The following PCNX1 variants were observed in gnomAD, a reference collection of about 807,000 sequenced individuals.
PCNX1 encodes pecanex-like protein 1.
A neutral mutation model predicts 242.2 loss-of-function variants in PCNX1; 78 were observed. The ratio of observed to expected loss-of-function variants is 0.32; its 90% CI spans 0.27 to 0.39. The LOEUF (loss-of-function observed/expected upper bound fraction) is 0.39, where lower values mean the gene tolerates loss of function less well. Among genes scored for constraint, PCNX1 ranks in the 10% least tolerant of loss-of-function variants. The pLI is 1.00. For missense variants in PCNX1, 2,581 were observed against 2,856.5 expected, an observed-to-expected ratio of 0.90 and a Z score of 2.20; for synonymous variants, 1,024 against 1,032.9, an observed-to-expected ratio of 0.99 and a Z score of 0.17.
In PCNX1 at chr14:71,071,861, A is replaced by G. The variant is rs1451555469; in HGVS notation, c.4853-1684A>G. Among the ~76,000 whole-genome samples, 5 of 152,194 alleles carry G rather than the reference A, an allele frequency of 3.3e-5. No individual in the cohort carries two copies. The East Asian group carries it at 9.6e-4, about 29-fold the overall frequency. On this transcript the variant is annotated intron_variant, in intron 26 of 35. Coordinates refer to ENST00000304743, the MANE Select transcript of PCNX1 (RefSeq NM_014982.3). ...TACTTAAACACTTAGAGGCCATTGT[A>G]GTGTTATAAATTGCCCAAATTTCAA...
At chr14:70,952,084 T>A (rs867105382) in intron 2 of PCNX1, among the ~76,000 whole-genome samples, 3 of 152,308 alleles carry the variant, frequency 2.0e-5, no homozygotes, top group Middle Eastern at 3.4e-3. Context: ...CTTGTCAGAA[T>A]GATGAGGAAA....
chr14:71,091,414 C>T (rs889415643), intron 30 of PCNX1, among the ~76,000 whole-genome samples: 10 of 152,142 alleles, frequency 6.6e-5, no homozygotes, highest in Admixed American at 1.3e-4. Flanking sequence ...GATGTTTATA[C>T]AACAGAATTA....
intron 1 of PCNX1, 136 bp downstream of exon 1, chr14:70,908,139 C>T: frequency 1.3e-6 from 1 of 748,064 alleles, no homozygotes; most frequent in Non-Finnish European, 2.0e-6. Flanking sequence ...GCTCCCCGCC[C>T]CCACTGCGTG....
At chr14:70,976,727 C>A (rs1159903682) in intron 5 of PCNX1, among the ~76,000 whole-genome samples, 1 of 152,054 alleles carries the variant, frequency 6.6e-6, no homozygotes, top group Non-Finnish European at 1.5e-5. Context: ...TTTCTGAGGC[C>A]AGTTGAAGAA....
chr14:70,925,102 C>T (rs973319724), intron 1 of PCNX1, among the ~76,000 whole-genome samples: 4 of 151,974 alleles, frequency 2.6e-5, no homozygotes, highest in African/African-American at 9.7e-5. Context: ...GATTCTCCTG[C>T]CTCAGACTCC....
intron 34 of PCNX1, 53 bp downstream of exon 34, chr14:71,109,099 A>G (rs2062700062): frequency 1.4e-6 from 2 of 1,406,586 alleles, no homozygotes; most frequent in Non-Finnish European, 1.9e-6. Flanking sequence ...ATTTGTTTTT[A>G]TTTCTTATTT....
intron 1 of PCNX1, among the ~76,000 whole-genome samples, chr14:70,932,020 G>C (rs1435663721): frequency 6.6e-6 from 1 of 152,182 alleles, no homozygotes; most frequent in African/African-American, 2.4e-5. Flanking sequence ...GCAGCTACTC[G>C]GGATGCTGAG....
At chr14:71,107,280 G>A (rs1294938182) in intron 33 of PCNX1, among the ~76,000 whole-genome samples, 1 of 152,004 alleles carries the variant, frequency 6.6e-6, no homozygotes, top group Non-Finnish European at 1.5e-5. Flanking sequence ...GGATTCAAGT[G>A]AAGAGACCTG....
At chr14:71,084,421 A>G (rs563697117) in intron 28 of PCNX1, among the ~76,000 whole-genome samples, 2 of 152,182 alleles carry the variant, frequency 1.3e-5, no homozygotes, top group Non-Finnish European at 1.5e-5. Flanking sequence ...GCAGGCAGCA[A>G]CATTTAAGTC....
rs533633832 is a variant in PCNX1, at chr14:71,000,460, A to G, written c.2629+4535A>G. Among the ~76,000 whole-genome samples, 4 of 151,268 alleles carry G rather than the reference A, an allele frequency of 2.6e-5. No individual in the cohort carries two copies. In the South Asian group the frequency reaches 8.4e-4, roughly 32 times the overall value. ...GTCGTGACTTTTGTGCTACTGTTTG[A>G]GTTTTGTATCTTGCTTTTTTCACTT... is the stretch of plus-strand genomic sequence containing the variant. On this transcript the variant is annotated intron_variant, in intron 8 of 35. Transcript: ENST00000304743.
intron 26 of PCNX1, among the ~76,000 whole-genome samples, chr14:71,062,272 C>G (rs2061344009): frequency 1.3e-5 from 2 of 152,062 alleles, no homozygotes; most frequent in South Asian, 4.1e-4. Context: ...TTCTGAAGGC[C>G]TTCCAGTGGG....
Position 71,076,209 on chromosome 14 carries a change from G to A in PCNX1, c.5127G>A (p.Thr1709=), listed in dbSNP as rs199766363. The part of the protein sequence containing the change: ...YYVKGIIYYV[T]TSSKLEEWLA... ...GTTAGGGTATCATTTATTATGTTAC[G>A]ACCTCGTCTAAGCTAGAGGAGTGGC... The change falls in exon 28 of 36, where the codon ACG becomes ACA. Residue 1709 remains threonine (T), a synonymous_variant. Transcript: ENST00000304743. 5.3e-5 allele frequency: 85 copies of A among 1,607,138 alleles called. No homozygotes were observed. In the East Asian group the frequency reaches 1.7e-3, roughly 33 times the overall value.
chr14:71,039,011 G>A (rs1220524843), intron 19 of PCNX1, among the ~76,000 whole-genome samples: 1 of 151,264 alleles, frequency 6.6e-6, no homozygotes, highest in Non-Finnish European at 1.5e-5. Context: ...TCATAGGTGG[G>A]AATTGAACAA....
chr14:71,014,007 C>T (rs977729071), intron 11 of PCNX1, among the ~76,000 whole-genome samples: 4 of 152,086 alleles, frequency 2.6e-5, no homozygotes, highest in Admixed American at 2.0e-4. Flanking sequence ...TGGATATGTT[C>T]CTGTATGTGA....
chr14:70,943,182 C>G (rs536412476), intron 1 of PCNX1, among the ~76,000 whole-genome samples: 1 of 152,244 alleles, frequency 6.6e-6, no homozygotes, highest in South Asian at 2.1e-4. Flanking sequence ...TGGGGCACTG[C>G]TGAAAAGATA....
In PCNX1 at chr14:70,980,944, A is replaced by G. The variant is rs188790305; in HGVS notation, c.2311+2296A>G. On this transcript the variant is annotated intron_variant, in intron 6 of 35. Transcript: ENST00000304743. ...CAACGATTTCTTTTCATTTTATTTTAAGGTAGGTGGTGGTGGTAGTGTAGA... is the reference window on the plus strand; with the variant it reads ...CAACGATTTCTTTTCATTTTATTTTGAGGTAGGTGGTGGTGGTAGTGTAGA... Among the ~76,000 whole-genome samples, 3 of 152,232 alleles carry G rather than the reference A, an allele frequency of 2.0e-5. No individual in the cohort carries two copies. The East Asian group carries it at 5.8e-4, about 29-fold the overall frequency.
Position 70,911,630 on chromosome 14 carries a change from G to T in PCNX1, c.153+3627G>T, listed in dbSNP as rs1253133070. On this transcript the variant is annotated intron_variant, in intron 1 of 35. Coordinates refer to ENST00000304743, the MANE Select transcript of PCNX1 (RefSeq NM_014982.3). Reference sequence around the variant, plus strand: ...GATTGGAATTAGTGTCTTGATTTTTGAATCTTGGCTTTGTTATTGATTGTG... The same window carrying T: ...GATTGGAATTAGTGTCTTGATTTTTTAATCTTGGCTTTGTTATTGATTGTG... Among the ~76,000 whole-genome samples, 5 of 152,018 alleles carry T rather than the reference G, an allele frequency of 3.3e-5. No individual in the cohort carries two copies. The East Asian group carries it at 7.7e-4, about 23-fold the overall frequency.
At chr14:70,938,247 G>A (rs1015279885) in intron 1 of PCNX1, among the ~76,000 whole-genome samples, 1 of 152,048 alleles carries the variant, frequency 6.6e-6, no homozygotes, top group African/African-American at 2.4e-5. Context: ...TGCCCATTCA[G>A]TATGATTATT....
chr14:70,978,312 A>T lies in PCNX1; in HGVS notation c.1975A>T (p.Thr659Ser). 1 of 1,614,186 alleles carries T rather than the reference A, an allele frequency of 6.2e-7. No individual in the cohort carries two copies. The highest frequency in any genetic ancestry group is 1.3e-5 in the African/African-American group (1 of 75,048). Reference protein sequence around the residue: ...HKERGTDSEHTHKAHLVPEGT... With the variant: ...HKERGTDSEHSHKAHLVPEGT... Reference sequence around the variant, plus strand: ...AGAAAGGGGCACAGACTCTGAACACACACACAAAGCTCATTTGGTTCCTGA... The same window carrying T: ...AGAAAGGGGCACAGACTCTGAACACTCACACAAAGCTCATTTGGTTCCTGA... The change falls in exon 6 of 36, where the codon ACA becomes TCA. Residue 659 changes from threonine to serine, a missense_variant. Physicochemically the swap from Thr to Ser is moderately conservative, Grantham distance 58. Coordinates refer to ENST00000304743, the MANE Select transcript of PCNX1 (RefSeq NM_014982.3).
Sources: allele counts gnomAD v4.1 joint callset (sites outside exome capture counted in the v4.1 genomes callset), GRCh38; gene constraint gnomAD v4.1.1; transcripts MANE v1.5; gene names NCBI Gene and HGNC (gene_info 2026-07-23, HGNC 2026-07-21).